CPQ: variants seen among roughly 807,000 people sequenced by gnomAD.
CPQ encodes carboxypeptidase Q.
CPQ carries 37 observed loss-of-function variants against 45.7 expected under a neutral mutation model. That is an observed-to-expected ratio of 0.81 (90% confidence interval 0.62 to 1.07). The LOEUF (loss-of-function observed/expected upper bound fraction) is 1.07. Among genes scored for constraint, CPQ ranks in the 50% least tolerant of loss-of-function variants. CPQ has a pLI of 0.00. For missense variants in CPQ, 537 were observed against 572.9 expected, an observed-to-expected ratio of 0.94 and a Z score of 0.64; for synonymous variants, 186 against 205.8, an observed-to-expected ratio of 0.90 and a Z score of 0.82.
chr8:96,650,273 G>A (rs775361695), intron 1 of CPQ, among the ~76,000 whole-genome samples: 7 of 152,206 alleles, frequency 4.6e-5, no homozygotes, highest in Non-Finnish European at 8.8e-5. Context: ...GTAATGATTC[G>A]GAGAAATTTT....
intron 7 of CPQ, among the ~76,000 whole-genome samples, chr8:97,137,696 G>A (rs982741019): frequency 6.6e-6 from 1 of 152,222 alleles, no homozygotes; most frequent in African/African-American, 2.4e-5. Flanking sequence ...TTGGGAGGCC[G>A]AGGCGGGCGG....
chr8:96,930,130 C>T (rs1191018260), intron 4 of CPQ, among the ~76,000 whole-genome samples: 1 of 152,192 alleles, frequency 6.6e-6, no homozygotes, highest in Non-Finnish European at 1.5e-5. Flanking sequence ...ACAGTCTCAT[C>T]TTCTCTTGTT....
intron 7 of CPQ, among the ~76,000 whole-genome samples, chr8:97,113,164 T>C (rs1364226951): frequency 1.3e-5 from 2 of 152,000 alleles, no homozygotes; most frequent in African/African-American, 4.8e-5. Context: ...ATGACAGGGC[T>C]TGGGGAAGAG....
At chr8:96,755,894 C>T (rs1289470765) in intron 1 of CPQ, among the ~76,000 whole-genome samples, 1 of 151,806 alleles carries the variant, frequency 6.6e-6, no homozygotes, top group Admixed American at 6.6e-5. Context: ...TAAATAAGTC[C>T]TGAAAGTAAC....
At chr8:97,112,084 C>T (rs1811506560) in intron 7 of CPQ, among the ~76,000 whole-genome samples, 1 of 152,038 alleles carries the variant, frequency 6.6e-6, no homozygotes. Flanking sequence ...CTGTCCTCAC[C>T]TCCCATTTCC....
chr8:97,084,340 G>A (rs1055722176), intron 7 of CPQ, among the ~76,000 whole-genome samples: 1 of 151,840 alleles, frequency 6.6e-6, no homozygotes, highest in African/African-American at 2.4e-5. Flanking sequence ...TATGTATCCC[G>A]TGGCAATGTG....
chr8:96,946,286 T>C (rs1250864031), intron 4 of CPQ, among the ~76,000 whole-genome samples: 3 of 152,172 alleles, frequency 2.0e-5, no homozygotes, highest in South Asian at 4.1e-4. Flanking sequence ...AACAAAATTA[T>C]TTGATAATTA....
At chr8:96,967,959 T>A (rs1272068428) in intron 5 of CPQ, among the ~76,000 whole-genome samples, 1 of 152,246 alleles carries the variant, frequency 6.6e-6, no homozygotes, top group Non-Finnish European at 1.5e-5. Flanking sequence ...GAACATGGGC[T>A]GGCCCAACCC....
At chr8:96,829,924 A>G (rs1811430295) in intron 2 of CPQ, among the ~76,000 whole-genome samples, 1 of 152,096 alleles carries the variant, frequency 6.6e-6, no homozygotes, top group Non-Finnish European at 1.5e-5. Context: ...AAGGCTATAC[A>G]TTTGTTGAAT....
rs563843730 is a variant in CPQ at position 96,741,043 on chromosome 8, G to A, written c.-34-43821G>A. Among the ~76,000 whole-genome samples, 3 of 152,276 alleles carry A rather than the reference G, an allele frequency of 2.0e-5. No homozygotes were observed. In the South Asian group the frequency reaches 6.2e-4, roughly 32 times the overall value. On this transcript the variant is annotated intron_variant, in intron 1 of 7. Coordinates refer to ENST00000220763, the MANE Select transcript of CPQ (RefSeq NM_016134.4). ...TCTATTGATTGGAATAGTTTCAGAA[G>A]GAATGGTACCAGTTCCTCCTTGTAC... is the stretch of plus-strand genomic sequence containing the variant.
At chr8:96,932,577 A>G (rs973200816) in intron 4 of CPQ, among the ~76,000 whole-genome samples, 2 of 152,122 alleles carry the variant, frequency 1.3e-5, no homozygotes, top group Non-Finnish European at 2.9e-5. Context: ...TTTCTTGCCT[A>G]CTCATAACAA....
intron 3 of CPQ, among the ~76,000 whole-genome samples, chr8:96,862,994 A>G (rs1811947309): frequency 6.6e-6 from 1 of 152,086 alleles, no homozygotes; most frequent in Admixed American, 6.6e-5. Context: ...ATGGAACAGA[A>G]TTCTGCCATA....
At chr8:97,116,787 C>G (rs1811601812) in intron 7 of CPQ, among the ~76,000 whole-genome samples, 1 of 152,218 alleles carries the variant, frequency 6.6e-6, no homozygotes, top group Admixed American at 6.5e-5. Flanking sequence ...GAGGTCTTCT[C>G]AGCCAGTCCA....
intron 1 of CPQ, among the ~76,000 whole-genome samples, chr8:96,713,788 G>A (rs1219111921): frequency 6.6e-6 from 1 of 152,286 alleles, no homozygotes; most frequent in East Asian, 1.9e-4. Flanking sequence ...TTGACCTATT[G>A]TTTCAAGATT....
rs530468848 is a variant in CPQ, at chr8:96,959,234, G to C, written c.850-6701G>C. ...ATTTTAGGAAGATGCTTGACAGCCA[G>C]AAAAGAGGTGCTCAGGGAAAAGTCT... is the stretch of plus-strand genomic sequence containing the variant. On this transcript the variant is annotated intron_variant, in intron 4 of 7. Transcript: ENST00000220763. 2.0e-5 allele frequency among the ~76,000 whole-genome samples: 3 copies of C among 152,268 alleles called. No homozygotes were observed. In the South Asian group the frequency reaches 6.2e-4, roughly 32 times the overall value.
intron 2 of CPQ, among the ~76,000 whole-genome samples, chr8:96,793,823 A>G (rs1367559942): frequency 6.6e-6 from 1 of 152,230 alleles, no homozygotes; most frequent in Admixed American, 6.5e-5. Flanking sequence ...TGGCCAAAAC[A>G]AAGGGGCTAC....
intron 6 of CPQ, among the ~76,000 whole-genome samples, chr8:97,049,198 T>C (rs563367785): frequency 2.0e-5 from 3 of 152,224 alleles, no homozygotes; most frequent in Non-Finnish European, 2.9e-5. Flanking sequence ...TGGAGTGAAG[T>C]GCTTTTTTCT....
intron 4 of CPQ, among the ~76,000 whole-genome samples, chr8:96,946,075 T>C (rs1201980447): frequency 1.3e-5 from 2 of 152,206 alleles, no homozygotes. Context: ...GGTTTTCCAA[T>C]TAACTTTGTG....
intron 7 of CPQ, among the ~76,000 whole-genome samples, chr8:97,070,611 A>G (rs1401331455): frequency 1.3e-5 from 2 of 152,178 alleles, no homozygotes; most frequent in Non-Finnish European, 2.9e-5. Flanking sequence ...AGAATGATAT[A>G]AATTGGGAAG....
Sources: allele counts gnomAD v4.1 joint callset (sites outside exome capture counted in the v4.1 genomes callset), GRCh38; gene constraint gnomAD v4.1.1; transcripts MANE v1.5; gene names NCBI Gene and HGNC (gene_info 2026-07-23, HGNC 2026-07-21).